ADGRV1: variants seen among roughly 807,000 people sequenced by gnomAD.
The protein encoded by ADGRV1 is adhesion G protein-coupled receptor V1, also known as G-protein coupled receptor 98.
ADGRV1 carries 359 observed loss-of-function variants against 596.2 expected under a neutral mutation model. The observed-to-expected ratio is 0.60, with a 90% confidence interval of 0.55 to 0.66. ADGRV1 has a LOEUF of 0.66. Among genes scored for constraint, ADGRV1 ranks in the 30% least tolerant of loss-of-function variants. The pLI is 0.00. For synonymous variants in ADGRV1, 2,681 were observed against 2,679.2 expected, an observed-to-expected ratio of 1.00 and a Z score of -0.02; for missense variants, 7,274 against 7,575.6, an observed-to-expected ratio of 0.96 and a Z score of 1.48.
chr5:90,841,526 C>G (rs1249978512), intron 78 of ADGRV1, among the ~76,000 whole-genome samples: 1 of 152,034 alleles, frequency 6.6e-6, no homozygotes, highest in East Asian at 1.9e-4. Flanking sequence ...TTGTACAAAA[C>G]AGATTTTATT....
chr5:90,566,105 A>G (rs1288842210), intron 1 of ADGRV1, among the ~76,000 whole-genome samples: 1 of 151,740 alleles, frequency 6.6e-6, no homozygotes, highest in Non-Finnish European at 1.5e-5. Flanking sequence ...ATTTTTTTTC[A>G]TTGTGTGGGT....
At chr5:91,042,958 A>C (rs2151281766) in intron 85 of ADGRV1, among the ~76,000 whole-genome samples, 1 of 152,220 alleles carries the variant, frequency 6.6e-6, no homozygotes, top group South Asian at 2.1e-4. Context: ...CAAGAGAACA[A>C]ACAAGCTATA....
At position 90,647,548 on chromosome 5, in the gene ADGRV1, C is replaced by G. The variant is rs1767966198; in HGVS notation, c.3073C>G (p.Leu1025Val). ...QEGETANFTV[L>V]RNGSVDVTCM... is the part of the protein sequence containing the mutation. ...AGGTGAGACTGCCAACTTTACAGTT[C>G]TCAGAAATGGATCTGTTGATGTGAC... Residue 1025 changes from leucine (L) to valine (V), a missense_variant, in exon 17 of 90, where the codon CTC (leucine) becomes GTC (valine). Physicochemically the swap from Leu to Val is conservative, Grantham distance 32 (BLOSUM62 1). Coordinates refer to ENST00000405460, the MANE Select transcript of ADGRV1 (RefSeq NM_032119.4). 14 of 1,613,714 alleles carry G rather than the reference C, an allele frequency of 8.7e-6. No individual in the cohort carries two copies. The highest frequency in any genetic ancestry group is 1.2e-5 in the Non-Finnish European group (14 of 1,179,746).
At chr5:91,084,923 T>C (rs1027629371) in intron 86 of ADGRV1, among the ~76,000 whole-genome samples, 1 of 152,210 alleles carries the variant, frequency 6.6e-6, no homozygotes, top group South Asian at 2.1e-4. Context: ...GTTCATGTCC[T>C]TTGTGGGGAC....
intron 83 of ADGRV1, among the ~76,000 whole-genome samples, chr5:90,943,189 C>T (rs1196804944): frequency 7.8e-6 from 1 of 127,970 alleles, no homozygotes; most frequent in Non-Finnish European, 1.6e-5. Context: ...AGTGGTGGTG[C>T]CTCTACAACT....
At chr5:90,781,120 G>A (rs533462303) in intron 64 of ADGRV1, 28 of 380,154 alleles carry the variant, frequency 7.4e-5, no homozygotes, top group Non-Finnish European at 1.2e-4. Context: ...ATTCCCAAAG[G>A]TTCATTTTAT....
chr5:90,768,755 A>G (rs1330114677), intron 59 of ADGRV1, among the ~76,000 whole-genome samples: 1 of 152,158 alleles, frequency 6.6e-6, no homozygotes, highest in Non-Finnish European at 1.5e-5. Flanking sequence ...GAACTGATGA[A>G]TGGTCTATAG....
chr5:90,984,882 C>G (rs1316619386), intron 84 of ADGRV1, among the ~76,000 whole-genome samples: 1 of 152,136 alleles, frequency 6.6e-6, no homozygotes, highest in Non-Finnish European at 1.5e-5. Flanking sequence ...CGTTATTTCC[C>G]CACTAGAACA....
chr5:90,682,692 A>T (rs532045308), intron 27 of ADGRV1, among the ~76,000 whole-genome samples: 1 of 141,542 alleles, frequency 7.1e-6, no homozygotes, highest in South Asian at 2.1e-4. Context: ...CAGGAAAGAT[A>T]AAAAAAGCGT....
At chr5:90,862,700 G>A (rs879781136) in intron 82 of ADGRV1, among the ~76,000 whole-genome samples, 1 of 152,270 alleles carries the variant, frequency 6.6e-6, no homozygotes, top group Non-Finnish European at 1.5e-5. Context: ...CAAATTTCTA[G>A]GCCAAAAGCC....
chr5:90,707,211 A>G (rs1748715437), intron 38 of ADGRV1, among the ~76,000 whole-genome samples: 1 of 152,092 alleles, frequency 6.6e-6, no homozygotes, highest in African/African-American at 2.4e-5. Flanking sequence ...ATTTTAAATA[A>G]TTTTTCATAT....
Position 91,119,005 on chromosome 5 carries a change from T to C in ADGRV1, c.18432+16665T>C, listed in dbSNP as rs533513353. Among the ~76,000 whole-genome samples, 6 of 152,322 alleles carry C rather than the reference T, an allele frequency of 3.9e-5. 1 individual carries two copies. In the South Asian group the frequency reaches 1.2e-3, roughly 32 times the overall value. ...TTTCATTTTTCATCTATCTTGATCA[T>C]TCTCATACATTCACAGCTCTGTTAG... On this transcript the variant is annotated intron_variant, in intron 87 of 89. Transcript: ENST00000405460.
chr5:91,050,488 A>G (rs1786221494), intron 85 of ADGRV1, among the ~76,000 whole-genome samples: 2 of 152,120 alleles, frequency 1.3e-5, no homozygotes, highest in African/African-American at 2.4e-5. Context: ...ATTTGTATGC[A>G]TTTTCATATT....
chr5:90,763,492 T>G, intron 59 of ADGRV1, 23 bp downstream of exon 59: 1 of 1,577,932 alleles, frequency 6.3e-7, no homozygotes, highest in Non-Finnish European at 8.6e-7. Context: ...TTAGCACTCC[T>G]GTAATTTTTC....
At chr5:91,098,769 C>G (rs1357678186) in intron 86 of ADGRV1, among the ~76,000 whole-genome samples, 1 of 150,862 alleles carries the variant, frequency 6.6e-6, no homozygotes, top group East Asian at 1.9e-4. Flanking sequence ...GCACATACCA[C>G]TCGCTTTGCT....
At chr5:90,749,511 A>G (rs1755011613) in intron 52 of ADGRV1, among the ~76,000 whole-genome samples, 1 of 152,242 alleles carries the variant, frequency 6.6e-6, no homozygotes, top group African/African-American at 2.4e-5. Context: ...ATGTGTTAAA[A>G]TGCTGTGTAA....
At chr5:90,690,187 A>G in intron 30 of ADGRV1, 111 bp downstream of exon 30, 1 of 651,046 alleles carries the variant, frequency 1.5e-6, no homozygotes, top group South Asian at 2.0e-5. Context: ...TTCTTTCTTA[A>G]CCTGCTGTTA....
chr5:91,068,355 G>C (rs1292323333), intron 85 of ADGRV1, among the ~76,000 whole-genome samples: 1 of 151,734 alleles, frequency 6.6e-6, no homozygotes, highest in Non-Finnish European at 1.5e-5. Context: ...TGTAGTCCCA[G>C]CTACTCAGGA....
chr5:90,822,647 T>G (rs1018460563), intron 75 of ADGRV1, among the ~76,000 whole-genome samples: 21 of 152,278 alleles, frequency 1.4e-4, no homozygotes, highest in African/African-American at 3.1e-4. Flanking sequence ...TTAAAGTAGT[T>G]TTTTCCAATT....
Sources: gnomAD v4.1 joint callset for allele counts (sites outside exome capture counted in the v4.1 genomes callset) on GRCh38, gnomAD v4.1.1 for gene constraint, MANE v1.5 for transcripts, NCBI Gene and HGNC (gene_info 2026-07-23, HGNC 2026-07-21) for gene names.